MBD5: variants seen among roughly 807,000 people sequenced by gnomAD.
MBD5 encodes the protein methyl-CpG binding domain protein 5.
A neutral mutation model predicts 117.3 loss-of-function variants in MBD5; 13 were observed. The ratio of observed to expected loss-of-function variants is 0.11; its 90% CI spans 0.07 to 0.18. The LOEUF is 0.18. MBD5 is among the 10% of genes least tolerant of loss of function. The probability of loss-of-function intolerance (pLI) is 1.00; values close to 1 mark genes in which losing one functional copy is unlikely to be tolerated. For synonymous variants in MBD5, 727 were observed against 766.4 expected (o/e 0.95, Z 0.85); for missense variants, 1,879 against 2,093.8 (o/e 0.90, Z 2.00).
chr2:148,322,891 A>T (rs1164462369), intron 3 of MBD5, among the ~76,000 whole-genome samples: 2 of 151,670 alleles, frequency 1.3e-5, no homozygotes, highest in African/African-American at 4.8e-5. Context: ...CATGTGCACA[A>T]TGTGCAGGTT....
intron 1 of MBD5, among the ~76,000 whole-genome samples, chr2:148,060,199 T>G (rs1694993437): frequency 7.3e-6 from 1 of 136,122 alleles, no homozygotes; most frequent in South Asian, 2.3e-4. Flanking sequence ...GTCCCAGATA[T>G]TTGGGAGGCC....
At chr2:148,087,346 G>C (rs1041237364) in intron 1 of MBD5, among the ~76,000 whole-genome samples, 1 of 152,212 alleles carries the variant, frequency 6.6e-6, no homozygotes, top group Non-Finnish European at 1.5e-5. Flanking sequence ...TCTGCTGCCT[G>C]CAACATCCTG....
chr2:148,118,303 AATT>A, intron 1 of MBD5, among the ~76,000 whole-genome samples: 1 of 152,160 alleles, frequency 6.6e-6, no homozygotes, highest in Non-Finnish European at 1.5e-5. Flanking sequence ...GCTGTAAGTC[AATT>A]ATGTTATTAA....
chr2:148,257,824 G>C (rs777379444), intron 3 of MBD5, among the ~76,000 whole-genome samples: 8 of 152,116 alleles, frequency 5.3e-5, no homozygotes, highest in Admixed American at 1.3e-4. Flanking sequence ...GATATCGATG[G>C]AGAAAAATGC....
chr2:148,028,844 T>A (rs1430250459), intron 1 of MBD5, among the ~76,000 whole-genome samples: 1 of 152,112 alleles, frequency 6.6e-6, no homozygotes, highest in Non-Finnish European at 1.5e-5. Flanking sequence ...ATTCAGAGGC[T>A]ATTTTTTTAG....
At chr2:148,414,241 A>C (rs1284410422) in intron 4 of MBD5, among the ~76,000 whole-genome samples, 1 of 152,058 alleles carries the variant, frequency 6.6e-6, no homozygotes, top group Admixed American at 6.6e-5. Context: ...AGTCATCCAG[A>C]AGCCGGTTAA....
At chr2:148,429,922 C>T (rs1025593898) in intron 4 of MBD5, among the ~76,000 whole-genome samples, 3 of 151,978 alleles carry the variant, frequency 2.0e-5, no homozygotes, top group African/African-American at 7.2e-5. Context: ...TGCAGCAAAC[C>T]ACCATGGCAC....
In MBD5 at chr2:148,068,835, T is replaced by A. The variant is rs1018042056; in HGVS notation, c.-925+47151T>A. ...TCATGTTGATAAGATTCTTCTAATT[T>A]TACTAATAATTTGATTCTTTTGTTT... On this transcript the variant is annotated intron_variant, in intron 1 of 13. Transcript: ENST00000642680. Among the ~76,000 whole-genome samples, 2 of 152,212 alleles carry A rather than the reference T, an allele frequency of 1.3e-5. 1 individual carries two copies. The highest frequency in any genetic ancestry group is 4.8e-5 in the African/African-American group (2 of 41,466).
At chr2:148,473,163 A>G (rs1680850151) in intron 8 of MBD5, among the ~76,000 whole-genome samples, 1 of 152,178 alleles carries the variant, frequency 6.6e-6, no homozygotes, top group African/African-American at 2.4e-5. Flanking sequence ...TTCAGATGAA[A>G]GTCAGTTATT....
At chr2:148,294,176 TAG>T (rs1238665289) in intron 3 of MBD5, among the ~76,000 whole-genome samples, 6 of 151,000 alleles carry the variant, frequency 4.0e-5, no homozygotes, top group South Asian at 4.2e-4. Context: ...CTTTTTGAAA[TAG>T]AGTTTGGCCA....
intron 2 of MBD5, among the ~76,000 whole-genome samples, chr2:148,202,992 G>A (rs1273452908): frequency 6.6e-6 from 1 of 151,588 alleles, no homozygotes; most frequent in Non-Finnish European, 1.5e-5. Context: ...GTAATACCAG[G>A]TACTCAGGAG....
chr2:148,334,544 G>C (rs2105082401), intron 3 of MBD5, among the ~76,000 whole-genome samples: 1 of 152,066 alleles, frequency 6.6e-6, no homozygotes, highest in South Asian at 2.1e-4. Context: ...ATGTTGCCCA[G>C]GCTGACCTCA....
chr2:148,385,310 G>A (rs1039600862), intron 4 of MBD5, among the ~76,000 whole-genome samples: 5 of 152,122 alleles, frequency 3.3e-5, no homozygotes, highest in Admixed American at 1.3e-4. Flanking sequence ...GATATGAACA[G>A]ACATTTCTCA....
At chr2:148,324,555 T>C (rs1264594532) in intron 3 of MBD5, among the ~76,000 whole-genome samples, 1 of 152,152 alleles carries the variant, frequency 6.6e-6, no homozygotes, top group African/African-American at 2.4e-5. Context: ...TTCACATCCC[T>C]TGTAAGTTGG....
chr2:148,269,567 A>G (rs984007681), intron 3 of MBD5, among the ~76,000 whole-genome samples: 1 of 151,732 alleles, frequency 6.6e-6, no homozygotes, highest in African/African-American at 2.4e-5. Context: ...TGTTGATCAC[A>G]TAATTGATAT....
At chr2:148,170,198 G>A (rs1698231011) in intron 1 of MBD5, among the ~76,000 whole-genome samples, 1 of 152,142 alleles carries the variant, frequency 6.6e-6, no homozygotes, top group Non-Finnish European at 1.5e-5. Flanking sequence ...CGCCCGGCCC[G>A]GGATTCTTCT....
At chr2:148,184,479 A>C (rs749217396) in intron 2 of MBD5, among the ~76,000 whole-genome samples, 1 of 152,246 alleles carries the variant, frequency 6.6e-6, no homozygotes, top group South Asian at 2.1e-4. Context: ...TATCCAGTCT[A>C]TATACTTCAA....
intron 4 of MBD5, among the ~76,000 whole-genome samples, chr2:148,443,836 C>T (rs941889207): frequency 6.6e-6 from 1 of 150,982 alleles, no homozygotes; most frequent in Non-Finnish European, 1.5e-5. Context: ...TTTGCTAGCA[C>T]AACAAGGTGG....
chr2:148,275,820 G>T (rs915936323), intron 3 of MBD5, among the ~76,000 whole-genome samples: 1 of 151,780 alleles, frequency 6.6e-6, no homozygotes, highest in Non-Finnish European at 1.5e-5. Context: ...AGTTCTAGGA[G>T]AATTTGTCAA....
Sources: gnomAD v4.1 joint callset for allele counts (sites outside exome capture counted in the v4.1 genomes callset) on GRCh38, gnomAD v4.1.1 for gene constraint, MANE v1.5 for transcripts, NCBI Gene and HGNC (gene_info 2026-07-23, HGNC 2026-07-21) for gene names.